The following LARS1 variants were observed in gnomAD, a reference collection of about 807,000 sequenced individuals.
LARS1 encodes the protein leucyl-tRNA synthetase 1, also known as leucine--tRNA ligase, cytoplasmic.
LARS1 carries 100 observed loss-of-function variants against 162.8 expected under a neutral mutation model. The ratio of observed to expected loss-of-function variants is 0.61; its 90% CI spans 0.52 to 0.73. The LOEUF is 0.73. Ranked by LOEUF, LARS1 falls within the 30% of genes least tolerant of loss-of-function variation. The pLI, the probability that LARS1 is intolerant of heterozygous loss-of-function variation, is 0.00. For missense variants in LARS1, 1,258 were observed against 1,408.9 expected, an observed-to-expected ratio of 0.89 and a Z score of 1.71; for synonymous variants, 457 against 462.8, an observed-to-expected ratio of 0.99 and a Z score of 0.16.
chr5:146,160,938 A>T (rs1376756393), intron 6 of LARS1, among the ~76,000 whole-genome samples: 1 of 152,198 alleles, frequency 6.6e-6, no homozygotes, highest in Non-Finnish European at 1.5e-5. Flanking sequence ...AGTGGCATAC[A>T]GGGGAAATAT....
chr5:146,126,722 C>T (rs1752067005), intron 27 of LARS1, among the ~76,000 whole-genome samples, 177 bp from the exon 28 acceptor site: 1 of 152,050 alleles, frequency 6.6e-6, no homozygotes, highest in Non-Finnish European at 1.5e-5. Context: ...GCAGAAGGAA[C>T]TCTCCTATTC....
chr5:146,135,251 A>T (rs1274776961), intron 22 of LARS1, among the ~76,000 whole-genome samples: 1 of 150,990 alleles, frequency 6.6e-6, no homozygotes, highest in African/African-American at 2.4e-5. Context: ...TCCTGACCTC[A>T]GGTGATACAC....
At chr5:146,164,687 T>C (rs1415544475) in intron 5 of LARS1, among the ~76,000 whole-genome samples, 1 of 152,132 alleles carries the variant, frequency 6.6e-6, no homozygotes, top group African/African-American at 2.4e-5. Context: ...AGCCAAGATA[T>C]CCGCCAAGAC....
intron 25 of LARS1, 28 bp downstream of exon 25, chr5:146,129,990 T>G (rs1198778550): frequency 1.4e-5 from 22 of 1,584,520 alleles, no homozygotes; most frequent in Non-Finnish European, 1.9e-5. Context: ...TCAAAACCAC[T>G]CGAAACATTT....
In LARS1 at chr5:146,135,644, G is replaced by A; in HGVS notation, c.2169C>T (p.Asn723=). 1.0e-5 allele frequency: 16 copies of A among 1,597,798 alleles called. No homozygotes were observed. Among genetic ancestry groups the A allele is most frequent in the Non-Finnish European group, 1.3e-5 (15 of 1,175,388 alleles). ...NSEKMSKSTG[N]FLTLTQAIDK... is the part of the protein sequence containing the mutation. ...CAATAGCTTGGGTCAAAGTGAGGAA[G>A]TTGCCTGTGGATTTTGACATCTGAA... is the stretch of plus-strand genomic sequence containing the variant. The change falls in exon 22 of 32, where the codon AAC becomes AAT. Residue 723 remains asparagine, a synonymous_variant. Coordinates refer to ENST00000394434, the MANE Select transcript of LARS1 (RefSeq NM_020117.11).
At chr5:146,167,082 T>C (rs1440666811) in intron 5 of LARS1, among the ~76,000 whole-genome samples, 1 of 152,196 alleles carries the variant, frequency 6.6e-6, no homozygotes, top group Non-Finnish European at 1.5e-5. Flanking sequence ...ATCTGACCCG[T>C]ATTCGTTAAA....
chr5:146,144,336 TCTC>T lies in LARS1; in HGVS notation c.1666_1668del (p.Glu556del). ...AAGGTGGCTTCAAAATTCCTCCTGG[TCTC>T]CTCACAGAATCTAGAAAAGAGCAAA... is the stretch of plus-strand genomic sequence containing the variant. On this transcript the variant is annotated inframe_deletion, in exon 18 of 32. Coordinates refer to ENST00000394434, the MANE Select transcript of LARS1 (RefSeq NM_020117.11). 6.2e-7 allele frequency: 1 copy of T among 1,613,392 alleles called. No individual in the cohort carries two copies. Among genetic ancestry groups the T allele is most frequent in the Non-Finnish European group, 8.5e-7 (1 of 1,179,770 alleles).
At chr5:146,127,322 A>C (rs1752087661) in intron 27 of LARS1, among the ~76,000 whole-genome samples, 1 of 152,114 alleles carries the variant, frequency 6.6e-6, no homozygotes, top group Non-Finnish European at 1.5e-5. Context: ...CACGAAAAAG[A>C]AAAAGGGTGG....
rs192871757 is a variant in LARS1, at chr5:146,163,035, C to G, written c.594+1275G>C. Among the ~76,000 whole-genome samples the G allele has an allele frequency of 3.7e-3, 556 of 152,314 alleles. 2 individuals are homozygous for G. The highest frequency in any genetic ancestry group is 6.4e-3 in the Non-Finnish European group (433 of 68,034). On this transcript the variant is annotated intron_variant, in intron 6 of 31. Transcript: ENST00000394434. ...AGGTGGCCAGGCTGGTCTCGAACTC[C>G]TGGCCTCAGGTGATCCACCCACCTT...
At position 146,120,408 on chromosome 5, in the gene LARS1, T is replaced by C. The variant is rs1172025211; in HGVS notation, c.3288A>G (p.Ile1096Met). Residue 1096 changes from isoleucine (I) to methionine (M), a missense_variant, in exon 31 of 32, where the codon ATA (isoleucine) becomes ATG (methionine). By Grantham distance (10) the Ile-to-Met change is conservative. Transcript: ENST00000394434. The stretch of plus-strand genomic sequence containing the variant: ...GATTCATTTTCATTAAACGCCTGAT[T>C]ATGGAATCACAGTTATCTCCTTGCC... ...EIRQGDNCDS[I>M]IRRLMKMNRG... is the part of the protein sequence containing the mutation. 4 of 1,613,426 alleles carry C rather than the reference T, an allele frequency of 2.5e-6. No homozygotes were observed. The highest frequency in any genetic ancestry group is 1.3e-5 in the African/African-American group (1 of 74,992).
chr5:146,164,725 G>A (rs112640793), intron 5 of LARS1, among the ~76,000 whole-genome samples: 4 of 152,210 alleles, frequency 2.6e-5, no homozygotes, highest in African/African-American at 7.2e-5. Flanking sequence ...CTAAATGGAT[G>A]GCAACATAAA....
chr5:146,153,344 C>T, intron 12 of LARS1, 117 bp from the exon 13 acceptor site: 1 of 741,782 alleles, frequency 1.3e-6, no homozygotes, highest in South Asian at 1.7e-5. Context: ...TTGTTCTCCT[C>T]TCCATAGAGA....
chr5:146,178,097 GA>G (rs138083803), intron 1 of LARS1, among the ~76,000 whole-genome samples: 2 of 149,184 alleles, frequency 1.3e-5, no homozygotes, highest in African/African-American at 4.9e-5. Flanking sequence ...GACTCCGCCA[GA>G]AAAAAAAAAT....
At chr5:146,144,800 C>T in intron 15 of LARS1, 91 bp from the exon 16 acceptor site, 2 of 1,105,202 alleles carry the variant, frequency 1.8e-6, no homozygotes, top group Non-Finnish European at 2.7e-6. Flanking sequence ...AAATGCTATA[C>T]CACCAATAAC....
rs1235399989 is a variant in LARS1 at position 146,140,248 on chromosome 5, T to C, written c.2104A>G (p.Thr702Ala). ...MWPEQSDKWP[T>A]AVRANGHLLL... ...AGATGTCCATTTGCTCTCACAGCTGTAGGCCATTTGTCACTTCACAGATAA... is the reference window on the plus strand; with the variant it reads ...AGATGTCCATTTGCTCTCACAGCTGCAGGCCATTTGTCACTTCACAGATAA... The change falls in exon 21 of 32, where the codon ACA becomes GCA. Residue 702 changes from threonine (T) to alanine (A), a missense_variant. Transcript: ENST00000394434. The C allele has an allele frequency of 6.2e-7, 1 of 1,610,134 alleles. No individual in the cohort carries two copies. The highest frequency in any genetic ancestry group is 1.3e-5 in the African/African-American group (1 of 75,026).
rs1428193255 is a variant in LARS1 at position 146,160,502 on chromosome 5, T to G, written c.595-16A>C. ...GCCAGTCTACCTATAAAAGGAAAAT[T>G]TTAAAAGGCAATTACTGAGAAATAC... On this transcript the variant is annotated splice_polypyrimidine_tract_variant and intron_variant, in intron 6 of 31. Transcript: ENST00000394434. 2.9e-6 allele frequency: 4 copies of G among 1,400,630 alleles called. No homozygotes were observed. Among genetic ancestry groups the G allele is most frequent in the Non-Finnish European group, 3.9e-6 (4 of 1,038,696 alleles). 86.8% of individuals were successfully genotyped at this position (1,400,630 alleles called of 1,614,324 possible).
Position 146,126,527 on chromosome 5 carries a change from G to A in LARS1, c.2899C>T (p.Pro967Ser). ...TCACTAGCAATGACTTTGTTGTCAGGCAGTTTTCCGTTATTGGCCTAAGAA... is the reference window on the plus strand; with the variant it reads ...TCACTAGCAATGACTTTGTTGTCAGACAGTTTTCCGTTATTGGCCTAAGAA... ...KHFEANNGKL[P>S]DNKVIASELG... The change falls in exon 28 of 32, where the codon CCT (proline) becomes TCT (serine). Residue 967 changes from proline (P) to serine (S), a missense_variant. Pro to Ser is a moderately conservative substitution (Grantham distance 74). Coordinates refer to ENST00000394434, the MANE Select transcript of LARS1 (RefSeq NM_020117.11). 6.2e-7 allele frequency: 1 copy of A among 1,611,404 alleles called. No homozygotes were observed. The highest frequency in any genetic ancestry group is 8.5e-7 in the Non-Finnish European group (1 of 1,178,090).
Position 146,149,732 on chromosome 5 carries a change from TAA to T in LARS1, c.1426-35_1426-34del, listed in dbSNP as rs768879015. 1.8e-5 allele frequency: 26 copies of T among 1,475,936 alleles called. No individual in the cohort carries two copies. In the Admixed American group the frequency reaches 4.4e-4, roughly 25 times the overall value. The allele number at this position is 1,475,936 out of a possible 1,614,324, so 91.4% of individuals were successfully genotyped here. ...GATGAGAGGGGAGAAAAACCACATA[TAA>T]AACAGTTAGAATCTGCCTTGAGTTT... is the stretch of plus-strand genomic sequence containing the variant. On this transcript the variant is annotated intron_variant, in intron 14 of 31. Transcript: ENST00000394434.
intron 10 of LARS1, among the ~76,000 whole-genome samples, chr5:146,156,434 C>G (rs1048057080): frequency 6.6e-6 from 1 of 152,158 alleles, no homozygotes; most frequent in African/African-American, 2.4e-5. Context: ...TGGCTTACGC[C>G]TGTAATCCCT....
Sources: allele counts gnomAD v4.1 joint callset (sites outside exome capture counted in the v4.1 genomes callset), GRCh38; gene constraint gnomAD v4.1.1; transcripts MANE v1.5; gene names NCBI Gene and HGNC (gene_info 2026-07-23, HGNC 2026-07-21).